The following NDST4 variants were observed in gnomAD, a reference collection of about 807,000 sequenced individuals.
NDST4 encodes the protein N-deacetylase and N-sulfotransferase 4, also known as N-heparan sulfate sulfotransferase 4.
A neutral mutation model predicts 100.8 loss-of-function variants in NDST4; 63 were observed. The ratio of observed to expected loss-of-function variants is 0.62; its 90% CI spans 0.51 to 0.77. The LOEUF is 0.77. Among genes scored for constraint, NDST4 ranks in the 30% least tolerant of loss-of-function variants. The pLI, the probability that NDST4 is intolerant of heterozygous loss-of-function variation, is 0.00. For missense variants in NDST4, 943 were observed against 1,018.4 expected, an observed-to-expected ratio of 0.93 and a Z score of 1.01; for synonymous variants, 377 against 361.8, an observed-to-expected ratio of 1.04 and a Z score of -0.48.
chr4:115,032,072 C>T (rs780447169), intron 2 of NDST4, among the ~76,000 whole-genome samples: 13 of 152,080 alleles, frequency 8.5e-5, no homozygotes, highest in Non-Finnish European at 1.8e-4. Flanking sequence ...ATTATGAGCT[C>T]TTCTTCTCTG....
At chr4:115,107,152 G>A (rs1729849203) in intron 1 of NDST4, among the ~76,000 whole-genome samples, 1 of 151,922 alleles carries the variant, frequency 6.6e-6, no homozygotes. Flanking sequence ...CAGTGCAAGA[G>A]CCTATCTCTA....
chr4:114,910,175 G>A (rs1446561395), intron 6 of NDST4, among the ~76,000 whole-genome samples: 1 of 152,126 alleles, frequency 6.6e-6, no homozygotes, highest in African/African-American at 2.4e-5. Flanking sequence ...ATATGTCAGA[G>A]CACATTCTCT....
At chr4:115,044,231 T>C (rs1366379960) in intron 2 of NDST4, among the ~76,000 whole-genome samples, 2 of 152,136 alleles carry the variant, frequency 1.3e-5, no homozygotes, top group Non-Finnish European at 2.9e-5. Flanking sequence ...AGATTGCCAC[T>C]GAAACGCCTA....
intron 10 of NDST4, 78 bp from the exon 11 acceptor site, chr4:114,839,626 C>T: frequency 7.7e-7 from 1 of 1,292,180 alleles, no homozygotes; most frequent in Non-Finnish European, 1.1e-6. Flanking sequence ...TGGGTGAGCA[C>T]ATGCATGTGT....
intron 2 of NDST4, among the ~76,000 whole-genome samples, chr4:114,998,248 T>G (rs1003441497): frequency 6.6e-6 from 1 of 152,152 alleles, no homozygotes; most frequent in Admixed American, 6.6e-5. Flanking sequence ...TAACTTTCTC[T>G]TTGTCTATCC....
At chr4:115,070,075 A>G (rs1729042704) in intron 2 of NDST4, among the ~76,000 whole-genome samples, 1 of 152,180 alleles carries the variant, frequency 6.6e-6, no homozygotes, top group South Asian at 2.1e-4. Context: ...AACTGTATAT[A>G]TACCCAAAGG....
At chr4:115,033,155 ATATT>A (rs1395937351) in intron 2 of NDST4, among the ~76,000 whole-genome samples, 4 of 27,600 alleles carry the variant, frequency 1.4e-4, no homozygotes, top group East Asian at 6.9e-4. Flanking sequence ...ATATATATAT[ATATT>A]TTTTTTTTTT....
intron 2 of NDST4, among the ~76,000 whole-genome samples, chr4:115,044,342 G>A (rs184672777): frequency 3.9e-5 from 6 of 152,044 alleles, no homozygotes; most frequent in Admixed American, 1.3e-4. Context: ...AGACACAACC[G>A]TGAGCTGAAC....
At chr4:114,950,368 C>T (rs969924665) in intron 4 of NDST4, among the ~76,000 whole-genome samples, 17 of 151,970 alleles carry the variant, frequency 1.1e-4, no homozygotes, top group Non-Finnish European at 1.5e-5. Context: ...CCTATAGTAA[C>T]TGATGAAAAA....
At chr4:115,110,444 A>T (rs1729922431) in intron 1 of NDST4, among the ~76,000 whole-genome samples, 1 of 151,962 alleles carries the variant, frequency 6.6e-6, no homozygotes, top group Non-Finnish European at 1.5e-5. Flanking sequence ...TTTCCTAGTT[A>T]TCTGGGGGTA....
intron 6 of NDST4, among the ~76,000 whole-genome samples, chr4:114,886,481 T>C (rs570515180): frequency 1.3e-5 from 2 of 152,250 alleles, no homozygotes; most frequent in South Asian, 4.1e-4. Flanking sequence ...TTATTTTGTG[T>C]GGAAATATCA....
intron 1 of NDST4, among the ~76,000 whole-genome samples, chr4:115,106,059 G>A (rs982034311): frequency 6.6e-6 from 1 of 151,970 alleles, no homozygotes; most frequent in Non-Finnish European, 1.5e-5. Context: ...AATGGGGAGC[G>A]CTGACACACA....
chr4:114,936,223 G>A (rs767858918), intron 5 of NDST4, among the ~76,000 whole-genome samples: 27 of 152,028 alleles, frequency 1.8e-4, no homozygotes, highest in Non-Finnish European at 3.8e-4. Flanking sequence ...AATTATGTGA[G>A]TAATTCTATT....
At chr4:115,055,083 C>T (rs1336668538) in intron 2 of NDST4, among the ~76,000 whole-genome samples, 7 of 152,016 alleles carry the variant, frequency 4.6e-5, no homozygotes, top group Non-Finnish European at 1.0e-4. Context: ...CTCATAGGGG[C>T]GTGAACCCTA....
At chr4:115,028,730 G>A (rs931598985) in intron 2 of NDST4, among the ~76,000 whole-genome samples, 3 of 152,138 alleles carry the variant, frequency 2.0e-5, no homozygotes, top group South Asian at 2.1e-4. Context: ...ATAGGAATTA[G>A]TAGGTATTTG....
chr4:114,838,851 C>T (rs190970045), intron 11 of NDST4, among the ~76,000 whole-genome samples: 1 of 150,890 alleles, frequency 6.6e-6, no homozygotes, highest in East Asian at 1.9e-4. Context: ...ATATGGATGC[C>T]TTTTTTCAAA....
At chr4:114,928,304 GTTGGAACC>G (rs1725425571) in intron 6 of NDST4, among the ~76,000 whole-genome samples, 1 of 152,078 alleles carries the variant, frequency 6.6e-6, no homozygotes, top group South Asian at 2.1e-4. Context: ...TGCCAGGCTT[GTTGGAACC>G]TTAAACTTAA....
chr4:114,852,606 A>G (rs1185038596), intron 8 of NDST4, 119 bp downstream of exon 8: 1 of 596,970 alleles, frequency 1.7e-6, no homozygotes, highest in Non-Finnish European at 2.9e-6. Context: ...CAAATAATAA[A>G]CTTGCATGGA....
At chr4:114,902,839 C>T (rs2126210925) in intron 6 of NDST4, among the ~76,000 whole-genome samples, 1 of 152,142 alleles carries the variant, frequency 6.6e-6, no homozygotes, top group Admixed American at 6.5e-5. Context: ...CCCTTAGCTG[C>T]ATCCAAGCTA....
Sources: allele counts gnomAD v4.1 joint callset (sites outside exome capture counted in the v4.1 genomes callset), GRCh38; gene constraint gnomAD v4.1.1; transcripts MANE v1.5; gene names NCBI Gene and HGNC (gene_info 2026-07-23, HGNC 2026-07-21).